SDC2: variants seen among roughly 807,000 people sequenced by gnomAD.
The protein encoded by SDC2 is syndecan-2.
A neutral mutation model predicts 22.2 loss-of-function variants in SDC2; 13 were observed. The observed-to-expected ratio is 0.59, with a 90% CI of 0.38 to 0.93. The LOEUF (loss-of-function observed/expected upper bound fraction) is 0.93, where lower values mean the gene tolerates loss of function less well. SDC2 is among the 40% of genes least tolerant of loss of function. The pLI is 0.00. For missense variants in SDC2, 235 were observed against 246.8 expected, an observed-to-expected ratio of 0.95 and a Z score of 0.32; for synonymous variants, 94 against 92.8, an observed-to-expected ratio of 1.01 and a Z score of -0.07.
At chr8:96,567,818 ACACCTCCGTTGAG>A (rs1338803127) in intron 1 of SDC2, among the ~76,000 whole-genome samples, 5 of 152,174 alleles carry the variant, frequency 3.3e-5, no homozygotes, top group Admixed American at 6.5e-5. Context: ...GAGTGGAGTA[ACACCTCCGTTGAG>A]CACCTCCGTT....
chr8:96,548,475 A>G (rs1217580265), intron 1 of SDC2, among the ~76,000 whole-genome samples: 1 of 152,246 alleles, frequency 6.6e-6, no homozygotes, highest in Non-Finnish European at 1.5e-5. Context: ...TTCCCCAGAC[A>G]TGAAGGGTCA....
chr8:96,502,489 T>TCCA, intron 1 of SDC2, among the ~76,000 whole-genome samples: 1 of 95,632 alleles, frequency 1.0e-5, no homozygotes, highest in African/African-American at 3.5e-5. Context: ...CTACATGACT[T>TCCA]GATATACTGG....
intron 1 of SDC2, among the ~76,000 whole-genome samples, chr8:96,540,783 C>T (rs578069440): frequency 2.6e-5 from 4 of 152,088 alleles, no homozygotes; most frequent in African/African-American, 4.8e-5. Flanking sequence ...TTTACCACAG[C>T]GTTGAAAGTG....
At chr8:96,494,852 G>T (rs1813043684) in intron 1 of SDC2, among the ~76,000 whole-genome samples, 1 of 152,220 alleles carries the variant, frequency 6.6e-6, no homozygotes, top group African/African-American at 2.4e-5. Context: ...AGAGACCCGC[G>T]AGTGTCCAGA....
intron 1 of SDC2, among the ~76,000 whole-genome samples, chr8:96,581,236 T>C (rs1814584175): frequency 6.6e-6 from 1 of 152,216 alleles, no homozygotes; most frequent in Non-Finnish European, 1.5e-5. Context: ...TCAAAAGTGC[T>C]TCTTAAGTAG....
intron 1 of SDC2, among the ~76,000 whole-genome samples, chr8:96,545,341 C>T (rs990272199): frequency 1.3e-5 from 2 of 152,172 alleles, no homozygotes; most frequent in African/African-American, 4.8e-5. Flanking sequence ...GGCCTAGGAT[C>T]TGGCGTTTTA....
intron 1 of SDC2, among the ~76,000 whole-genome samples, chr8:96,538,444 T>C (rs1404713509): frequency 3.3e-5 from 5 of 152,220 alleles, no homozygotes; most frequent in African/African-American, 1.2e-4. Flanking sequence ...TTCAGGGAAT[T>C]TTTTTCTGCT....
chr8:96,593,545 A>G lies in SDC2; in HGVS notation c.126A>G (p.Gly42=). 1 of 1,614,122 alleles carries G rather than the reference A, an allele frequency of 6.2e-7. No homozygotes were observed. The highest frequency in any genetic ancestry group is 1.3e-5 in the African/African-American group (1 of 75,066). Reference sequence around the variant, plus strand: ...ACAGCTCCATTGAAGAAGCTTCAGGAGTGTATCCTATTGATGACGATGACT... The same window carrying G: ...ACAGCTCCATTGAAGAAGCTTCAGGGGTGTATCCTATTGATGACGATGACT... ...LDNSSIEEAS[G]VYPIDDDDYA... The change falls in exon 2 of 5, where the codon GGA becomes GGG. Residue 42 remains glycine (G), a synonymous_variant. Coordinates refer to ENST00000302190, the MANE Select transcript of SDC2 (RefSeq NM_002998.4).
At chr8:96,551,479 G>A (rs1231699058) in intron 1 of SDC2, among the ~76,000 whole-genome samples, 3 of 152,084 alleles carry the variant, frequency 2.0e-5, no homozygotes, top group Admixed American at 6.5e-5. Flanking sequence ...CATGAGACAG[G>A]TATACTATTA....
At position 96,570,137 on chromosome 8, in the gene SDC2, T is replaced by C. The variant is rs186954420; in HGVS notation, c.61-23343T>C. Among the ~76,000 whole-genome samples, 42 of 152,304 alleles carry C rather than the reference T, an allele frequency of 2.8e-4. No homozygotes were observed. In the East Asian group the frequency reaches 6.7e-3, roughly 24 times the overall value. On this transcript the variant is annotated intron_variant, in intron 1 of 4. Transcript: ENST00000302190. ...AGGCACTATCACTATCCTCTCCATTTTATAGATGATGAGCCTGAGGTGCAG... is the reference window on the plus strand; with the variant it reads ...AGGCACTATCACTATCCTCTCCATTCTATAGATGATGAGCCTGAGGTGCAG...
chr8:96,606,393 C>T (rs1815080288), intron 3 of SDC2, among the ~76,000 whole-genome samples: 2 of 152,234 alleles, frequency 1.3e-5, no homozygotes, highest in African/African-American at 4.8e-5. Context: ...ACAGTGTTTT[C>T]ATCAGTGATG....
chr8:96,519,128 G>A (rs761065940), intron 1 of SDC2, among the ~76,000 whole-genome samples: 9 of 152,110 alleles, frequency 5.9e-5, no homozygotes, highest in Non-Finnish European at 2.9e-5. Context: ...ATCCCTCTGC[G>A]GTGGGAGGAG....
At chr8:96,524,195 T>G (rs61466171) in intron 1 of SDC2, among the ~76,000 whole-genome samples, 4,786 of 152,286 alleles carry the variant, frequency 0.031, 275 homozygotes, top group African/African-American at 0.11. Flanking sequence ...TGGAGTGAGA[T>G]GACTGTAGGC....
intron 1 of SDC2, among the ~76,000 whole-genome samples, chr8:96,546,090 T>A (rs182462721): frequency 3.0e-3 from 463 of 152,266 alleles, no homozygotes; most frequent in Non-Finnish European, 5.2e-3. Flanking sequence ...TGCAAAGAAA[T>A]TTTCCATTTG....
In SDC2 at chr8:96,611,452, A is replaced by G. The variant is rs961308604; in HGVS notation, c.*1904A>G. 2 of 152,640 alleles carry G rather than the reference A, an allele frequency of 1.3e-5. No homozygotes were observed. Among genetic ancestry groups the G allele is most frequent in the Non-Finnish European group, 2.9e-5 (2 of 68,042 alleles). 9.5% of individuals were successfully genotyped at this position (152,640 alleles called of 1,614,324 possible). ...CATTTTTTTAAGCAACACTTGGAAC[A>G]GTGTTTACTTTAAATCCTTAATGGC... On this transcript the variant is annotated 3_prime_UTR_variant, in exon 5 of 5. Transcript: ENST00000302190.
At chr8:96,522,788 C>G (rs945764189) in intron 1 of SDC2, among the ~76,000 whole-genome samples, 1 of 152,182 alleles carries the variant, frequency 6.6e-6, no homozygotes, top group African/African-American at 2.4e-5. Flanking sequence ...AGAGCAGTTT[C>G]AGGATGTAAG....
intron 1 of SDC2, among the ~76,000 whole-genome samples, chr8:96,567,948 TG>T (rs1217115803): frequency 1.3e-5 from 2 of 152,194 alleles, no homozygotes; most frequent in African/African-American, 4.8e-5. Flanking sequence ...TCCTTCAAAG[TG>T]TTGCTGTCAT....
chr8:96,577,576 A>G (rs914040030), intron 1 of SDC2, among the ~76,000 whole-genome samples: 4 of 152,164 alleles, frequency 2.6e-5, no homozygotes, highest in African/African-American at 4.8e-5. Flanking sequence ...CAACATTGAT[A>G]CATTATTACT....
chr8:96,519,657 T>C (rs985077645), intron 1 of SDC2, among the ~76,000 whole-genome samples: 1 of 152,112 alleles, frequency 6.6e-6, no homozygotes, highest in African/African-American at 2.4e-5. Flanking sequence ...AGTATAAATT[T>C]TTTTTTTTCT....
Sources: gnomAD v4.1 joint callset for allele counts (sites outside exome capture counted in the v4.1 genomes callset) on GRCh38, gnomAD v4.1.1 for gene constraint, MANE v1.5 for transcripts, NCBI Gene and HGNC (gene_info 2026-07-23, HGNC 2026-07-21) for gene names.